Variants in KLHL21 observed in about 807,000 individuals in gnomAD.
KLHL21 encodes the protein kelch-like protein 21.
In KLHL21, 42 loss-of-function variants were observed where a neutral mutation model predicts 44.1. The observed-to-expected ratio is 0.95, with a 90% CI of 0.74 to 1.23. The LOEUF (loss-of-function observed/expected upper bound fraction) is 1.23, where lower values mean the gene tolerates loss of function less well. Among genes scored for constraint, KLHL21 ranks in the 50% most tolerant of loss-of-function variants. The pLI, the probability that KLHL21 is intolerant of heterozygous loss-of-function variation, is 0.00. For missense variants in KLHL21, 918 were observed against 889.1 expected (o/e 1.03, Z -0.41); for synonymous variants, 524 against 411.6 (o/e 1.27, Z -3.31).
Position 6,602,765 on chromosome 1 carries a change from G to A in KLHL21, c.53C>T (p.Ala18Val). 1 of 1,491,490 alleles carries A rather than the reference G, an allele frequency of 6.7e-7. No individual in the cohort carries two copies. Among genetic ancestry groups the A allele is most frequent in the Non-Finnish European group, 8.9e-7 (1 of 1,129,086 alleles). The allele number at this position is 1,491,490 out of a possible 1,614,324, so 92.4% of individuals were successfully genotyped here. The change falls in exon 1 of 4, where the codon GCC becomes GTC. Residue 18 changes from alanine (A) to valine (V), a missense_variant. Ala to Val is a moderately conservative substitution (Grantham distance 64). Transcript: ENST00000377658. ...AVLPFSDPAH[A>V]LSLLRGLSQL... ...GCTCAGGCCGCGCAGCAGGCTCAGG[G>A]CGTGCGCGGGGTCCGAGAAGGGAAG...
At chr1:6,597,893 G>A (rs920964411) in intron 2 of KLHL21, among the ~76,000 whole-genome samples, 4 of 152,232 alleles carry the variant, frequency 2.6e-5, no homozygotes, top group Admixed American at 2.0e-4. Flanking sequence ...CAGCAGGGAG[G>A]GGCTGCCCCG....
chr1:6,597,291 C>T (rs190290685), intron 2 of KLHL21, among the ~76,000 whole-genome samples: 52 of 152,286 alleles, frequency 3.4e-4, no homozygotes, highest in Admixed American at 2.6e-3. Flanking sequence ...ACCTCCCTGG[C>T]GCACATCTTC....
At position 6,595,815 on chromosome 1, in the gene KLHL21, T is replaced by G. The variant is rs1009524478; in HGVS notation, c.1428-258A>C. On this transcript the variant is annotated intron_variant, in intron 2 of 3. Transcript: ENST00000377658. ...ACCTGAAGATCAGGCTTTTGAGTAC[T>G]TGAAGCCCATTCAGTGCCTCCCCAT... Among the ~76,000 whole-genome samples the G allele has an allele frequency of 2.6e-5, 4 of 152,364 alleles. 1 individual carries two copies. The highest frequency in any genetic ancestry group is 1.3e-4 in the Admixed American group (2 of 15,304).
intron 3 of KLHL21, chr1:6,594,232 G>A: frequency 3.8e-6 from 1 of 260,376 alleles, no homozygotes; most frequent in Non-Finnish European, 6.0e-6. Context: ...CAGGAAAGAA[G>A]GCTGTAGGCA....
Position 6,590,990 on chromosome 1 carries a change from A to AC in KLHL21, c.*2374_*2375insG. 2.5e-6 allele frequency: 1 copy of AC among 398,696 alleles called. No individual in the cohort carries two copies. The highest frequency in any genetic ancestry group is 4.4e-6 in the Non-Finnish European group (1 of 226,086). The allele number at this position is 398,696 out of a possible 1,614,324, so 24.7% of individuals were successfully genotyped here. On this transcript the variant is annotated 3_prime_UTR_variant, in exon 4 of 4. Transcript: ENST00000377658. Reference sequence around the variant, plus strand: ...ATATAACTTAATTTGTGCTGTAGACAAAGTTCTGTACATGTAACATGTGGC... The same window carrying AC: ...ATATAACTTAATTTGTGCTGTAGACACAAGTTCTGTACATGTAACATGTGGC...
chr1:6,598,388 G>A (rs186579562), intron 2 of KLHL21, among the ~76,000 whole-genome samples: 2 of 151,988 alleles, frequency 1.3e-5, no homozygotes, highest in East Asian at 1.9e-4. Context: ...TGACCAACAT[G>A]GAGAAACCCT....
rs773723628 is a variant in KLHL21, at chr1:6,599,139, G to A, written c.1335C>T (p.Thr445=). ...TMVMQCYDPD[T]DLWSLVDCGQ... is the part of the protein sequence containing the mutation. ...CGCAGTCCACCAGCGACCACAGGTCGGTGTCCGGGTCGTAGCACTGCATCA... is the reference window on the plus strand; with the variant it reads ...CGCAGTCCACCAGCGACCACAGGTCAGTGTCCGGGTCGTAGCACTGCATCA... Residue 445 remains threonine (T), a synonymous_variant, in exon 2 of 4, where the codon ACC becomes ACT. Coordinates refer to ENST00000377658, the MANE Select transcript of KLHL21 (RefSeq NM_014851.4). 4.4e-5 allele frequency: 71 copies of A among 1,613,898 alleles called. No individual in the cohort carries two copies. Among genetic ancestry groups the A allele is most frequent in the Admixed American group, 1.3e-4 (8 of 59,992 alleles).
chr1:6,601,735 C>A, intron 1 of KLHL21, 62 bp downstream of exon 1: 1 of 1,470,880 alleles, frequency 6.8e-7, no homozygotes, highest in East Asian at 2.5e-5. Flanking sequence ...CCGCGAATAG[C>A]TGGGCTCCCG....
At chr1:6,600,204 C>T in intron 1 of KLHL21, among the ~76,000 whole-genome samples, 1 of 152,084 alleles carries the variant, frequency 6.6e-6, no homozygotes, top group East Asian at 1.9e-4. Context: ...TGCCGCCACA[C>T]CCAGCTAATT....
In KLHL21 at chr1:6,593,249, C is replaced by T. The variant is rs1640876539; in HGVS notation, c.*116G>A. 32 of 1,193,332 alleles carry T rather than the reference C, an allele frequency of 2.7e-5. 1 individual carries two copies. In the South Asian group the frequency reaches 4.8e-4, roughly 18 times the overall value. The allele number at this position is 1,193,332 out of a possible 1,614,324, so 73.9% of individuals were successfully genotyped here. A position where few individuals can be genotyped will look rare whatever the true frequency, so the allele number is the denominator to read the frequency against. On this transcript the variant is annotated 3_prime_UTR_variant, in exon 4 of 4. Transcript: ENST00000377658. ...TGGATCCTGGGCTGGCTTCGCCACC[C>T]AAGAGCCTGTGCTCCTCCTGTGAGC...
Position 6,601,909 on chromosome 1 carries a change from A to G in KLHL21, c.909T>C (p.Thr303=). The change falls in exon 1 of 4, where the codon ACT becomes ACC. Residue 303 remains threonine, a synonymous_variant. Transcript: ENST00000377658. ...CCGTCTGCGGGTTGTAGCAGTCGAC[A>G]GTGACCAGCTCGTCACAGTCCTGGT... ...GCDQDCDELV[T]VDCYNPQTGQ... 1 of 1,565,234 alleles carries G rather than the reference A, an allele frequency of 6.4e-7. No homozygotes were observed. The highest frequency in any genetic ancestry group is 8.7e-7 in the Non-Finnish European group (1 of 1,155,690).
chr1:6,602,150 G>A lies in KLHL21; in HGVS notation c.668C>T (p.Ala223Val). 1 of 1,424,206 alleles carries A rather than the reference G, an allele frequency of 7.0e-7. No individual in the cohort carries two copies. The highest frequency in any genetic ancestry group is 9.1e-7 in the Non-Finnish European group (1 of 1,099,806). The allele number at this position is 1,424,206 out of a possible 1,614,324, so 88.2% of individuals were successfully genotyped here. The change falls in exon 1 of 4, where the codon GCC (alanine) becomes GTC (valine). Residue 223 changes from alanine to valine, a missense_variant. Ala to Val is a moderately conservative substitution (Grantham distance 64). Transcript: ENST00000377658. ...RAAHWPQLLE[A>V]VRLPFVRRFY... The stretch of plus-strand genomic sequence containing the variant: ...GCGGCGCACGAAGGGCAGGCGCACG[G>A]CCTCCAGCAGCTGCGGCCAGTGCGC...
rs1006975810 is a variant in KLHL21 at position 6,599,138 on chromosome 1, C to T, written c.1336G>A (p.Asp446Asn). 3.1e-6 allele frequency: 5 copies of T among 1,613,878 alleles called. No homozygotes were observed. Among genetic ancestry groups the T allele is most frequent in the Middle Eastern group, 1.6e-4 (1 of 6,062 alleles). Residue 446 changes from aspartate (D) to asparagine (N), a missense_variant, in exon 2 of 4, where the codon GAC (aspartate) becomes AAC (asparagine). Physicochemically the swap from Asp to Asn is conservative, Grantham distance 23. Transcript: ENST00000377658. ...MVMQCYDPDT[D>N]LWSLVDCGQL... is the part of the protein sequence containing the mutation. ...CCGCAGTCCACCAGCGACCACAGGT[C>T]GGTGTCCGGGTCGTAGCACTGCATC...
In KLHL21 at chr1:6,602,657, A is replaced by G; in HGVS notation, c.161T>C (p.Leu54Pro). ...GCGGAAGTAGGGGCTGGCGGCGGCC[A>G]GCACCGCACGGTGCGCCGGGAAGTC... ...GRDFPAHRAV[L>P]AAASPYFRAM... The change falls in exon 1 of 4, where the codon CTG (leucine) becomes CCG (proline). Residue 54 changes from leucine (L) to proline (P), a missense_variant. Coordinates refer to ENST00000377658, the MANE Select transcript of KLHL21 (RefSeq NM_014851.4). 2.0e-6 allele frequency: 3 copies of G among 1,509,732 alleles called. No homozygotes were observed. The highest frequency in any genetic ancestry group is 1.8e-6 in the Non-Finnish European group (2 of 1,136,906). 93.5% of individuals were successfully genotyped at this position (1,509,732 alleles called of 1,614,324 possible).
At chr1:6,594,170 G>A in intron 3 of KLHL21, 1 of 723,464 alleles carries the variant, frequency 1.4e-6, no homozygotes, top group Non-Finnish European at 1.7e-6. Flanking sequence ...TGTGATGTAA[G>A]CTGTGAGGCT....
chr1:6,595,151 T>A lies in KLHL21; in HGVS notation c.1500+334A>T, dbSNP rs1368835964. 7 of 552,322 alleles carry A rather than the reference T, an allele frequency of 1.3e-5. No individual in the cohort carries two copies. The East Asian group carries it at 2.2e-4, about 17-fold the overall frequency. The allele number at this position is 552,322 out of a possible 1,614,324, so 34.2% of individuals were successfully genotyped here. Reference sequence around the variant, plus strand: ...CTAAGAACACGCCAGGGTGCCCTGCTGCAGGGCCTCTGTACCTGCTGTCCC... The same window carrying A: ...CTAAGAACACGCCAGGGTGCCCTGCAGCAGGGCCTCTGTACCTGCTGTCCC... On this transcript the variant is annotated intron_variant, in intron 3 of 3. Coordinates refer to ENST00000377658, the MANE Select transcript of KLHL21 (RefSeq NM_014851.4).
intron 2 of KLHL21, among the ~76,000 whole-genome samples, 185 bp downstream of exon 2, chr1:6,598,862 G>T (rs1043344138): frequency 8.5e-5 from 13 of 152,226 alleles, no homozygotes. Flanking sequence ...CAGCCTGGGC[G>T]ACAGAGCGAG....
chr1:6,601,210 G>A (rs1641011677), intron 1 of KLHL21, among the ~76,000 whole-genome samples: 1 of 152,238 alleles, frequency 6.6e-6, no homozygotes, highest in Non-Finnish European at 1.5e-5. Context: ...GTGTTTTGGG[G>A]TTTGGGCCAA....
In KLHL21 at chr1:6,592,868, C is replaced by G. The variant is rs1640871435; in HGVS notation, c.*497G>C. The G allele has an allele frequency of 1.3e-5, 2 of 155,840 alleles. No homozygotes were observed. The highest frequency in any genetic ancestry group is 2.0e-4 in the South Asian group (1 of 5,044). The allele number at this position is 155,840 out of a possible 1,614,324, so 9.7% of individuals were successfully genotyped here. ...GTAAGCCCCTGGCAGGGGCCAGGAGCTAGGGAGGCAGGCTCCCCACACCTC... is the reference window on the plus strand; with the variant it reads ...GTAAGCCCCTGGCAGGGGCCAGGAGGTAGGGAGGCAGGCTCCCCACACCTC... On this transcript the variant is annotated 3_prime_UTR_variant, in exon 4 of 4. Transcript: ENST00000377658.
Sources: allele counts gnomAD v4.1 joint callset (sites outside exome capture counted in the v4.1 genomes callset), GRCh38; gene constraint gnomAD v4.1.1; transcripts MANE v1.5; gene names NCBI Gene and HGNC (gene_info 2026-07-23, HGNC 2026-07-21).